Variants in OPCML observed in about 807,000 individuals in gnomAD.
OPCML encodes the protein opioid-binding protein/cell adhesion molecule.
In OPCML, 13 loss-of-function variants were observed where a neutral mutation model predicts 37.8. The observed-to-expected ratio is 0.34, with a 90% CI of 0.22 to 0.55. OPCML has a LOEUF of 0.55. Among genes scored for constraint, OPCML ranks in the 20% least tolerant of loss-of-function variants. The pLI, the probability that OPCML is intolerant of heterozygous loss-of-function variation, is 0.91. For synonymous variants in OPCML, 176 were observed against 168.8 expected, an observed-to-expected ratio of 1.04 and a Z score of -0.33; for missense variants, 341 against 435.6, an observed-to-expected ratio of 0.78 and a Z score of 1.93.
chr11:132,888,753 C>T (rs987212337), intron 2 of OPCML, among the ~76,000 whole-genome samples: 1 of 151,398 alleles, frequency 6.6e-6, no homozygotes, highest in African/African-American at 2.4e-5. Context: ...AAGAATGGGC[C>T]AAGGCAAACA....
intron 3 of OPCML, among the ~76,000 whole-genome samples, chr11:132,646,092 G>A (rs1007972717): frequency 1.3e-5 from 2 of 152,056 alleles, no homozygotes; most frequent in African/African-American, 4.8e-5. Flanking sequence ...GGTGGGAGGG[G>A]GGTGAGGGAT....
intron 3 of OPCML, among the ~76,000 whole-genome samples, chr11:132,540,641 T>C (rs529728766): frequency 6.6e-6 from 1 of 152,298 alleles, no homozygotes; most frequent in Admixed American, 6.5e-5. Flanking sequence ...CTGGGCTCTA[T>C]TTTGATGAGA....
At chr11:133,301,506 T>TA (rs1162722501) in intron 1 of OPCML, 12 of 152,230 alleles carry the variant, frequency 7.9e-5, no homozygotes, top group African/African-American at 2.9e-4. Flanking sequence ...TTCCAGGTTG[T>TA]ATTTTTTTAA....
intron 1 of OPCML, among the ~76,000 whole-genome samples, chr11:133,282,048 T>C (rs2136510852): frequency 6.6e-6 from 1 of 152,164 alleles, no homozygotes; most frequent in South Asian, 2.1e-4. Context: ...AACTAGTAAC[T>C]TATATTTAAA....
At chr11:132,715,914 A>G (rs1944457620) in intron 2 of OPCML, among the ~76,000 whole-genome samples, 1 of 152,228 alleles carries the variant, frequency 6.6e-6, no homozygotes, top group Non-Finnish European at 1.5e-5. Context: ...GATGACCCAC[A>G]GTCGATGCTC....
At chr11:132,755,497 A>G (rs1946007106) in intron 2 of OPCML, among the ~76,000 whole-genome samples, 1 of 152,202 alleles carries the variant, frequency 6.6e-6, no homozygotes, top group African/African-American at 2.4e-5. Flanking sequence ...TGGTTGCTAT[A>G]TTTCTTACAT....
chr11:132,965,808 G>A (rs1403814965), intron 1 of OPCML, among the ~76,000 whole-genome samples: 1 of 152,162 alleles, frequency 6.6e-6, no homozygotes, highest in African/African-American at 2.4e-5. Context: ...TGGGATTACA[G>A]GCATGAGCCA....
intron 1 of OPCML, chr11:133,024,433 C>T: frequency 1.0e-6 from 1 of 984,632 alleles, no homozygotes; most frequent in Non-Finnish European, 1.2e-6. Context: ...GTAGGTCAAG[C>T]ACACACAGGA....
chr11:133,256,794 T>G (rs2136446794), intron 1 of OPCML, among the ~76,000 whole-genome samples: 1 of 152,302 alleles, frequency 6.6e-6, no homozygotes. Flanking sequence ...GTTAAAAGTG[T>G]GCAGTTTGGG....
chr11:133,277,514 A>T (rs1344529047), intron 1 of OPCML, among the ~76,000 whole-genome samples: 1 of 152,132 alleles, frequency 6.6e-6, no homozygotes, highest in East Asian at 1.9e-4. Context: ...GTGCTGCAAC[A>T]CCACTGTTGC....
intron 2 of OPCML, among the ~76,000 whole-genome samples, chr11:132,813,798 C>T (rs1939479721): frequency 6.6e-6 from 1 of 152,090 alleles, no homozygotes; most frequent in Non-Finnish European, 1.5e-5. Flanking sequence ...AGCTGCTTCC[C>T]CCGGTGTATT....
intron 1 of OPCML, among the ~76,000 whole-genome samples, chr11:133,502,715 G>A (rs1246015677): frequency 6.6e-6 from 1 of 152,200 alleles, no homozygotes; most frequent in Non-Finnish European, 1.5e-5. Flanking sequence ...CCACAGTTCT[G>A]GGCCACTTGC....
At chr11:132,749,081 C>T (rs1166762081) in intron 2 of OPCML, among the ~76,000 whole-genome samples, 2 of 152,032 alleles carry the variant, frequency 1.3e-5, no homozygotes, top group African/African-American at 2.4e-5. Context: ...GAGGGTGGAG[C>T]CCTCATGAAT....
chr11:133,025,720 G>A (rs990395606), intron 1 of OPCML, among the ~76,000 whole-genome samples: 9 of 144,198 alleles, frequency 6.2e-5, no homozygotes, highest in Non-Finnish European at 9.0e-5. Flanking sequence ...GGTGCCTGCC[G>A]ATTTGATTTT....
intron 2 of OPCML, among the ~76,000 whole-genome samples, chr11:132,888,411 C>A (rs1024666474): frequency 6.6e-6 from 1 of 152,176 alleles, no homozygotes; most frequent in African/African-American, 2.4e-5. Flanking sequence ...CACAGCCATG[C>A]CTTCAGCATG....
intron 2 of OPCML, among the ~76,000 whole-genome samples, chr11:132,810,461 T>G (rs1939276953): frequency 6.6e-6 from 1 of 152,022 alleles, no homozygotes; most frequent in South Asian, 2.1e-4. Context: ...ATCCCAGCAC[T>G]TTGGGAGGAT....
At chr11:132,883,661 G>A (rs978102860) in intron 2 of OPCML, among the ~76,000 whole-genome samples, 12 of 152,310 alleles carry the variant, frequency 7.9e-5, no homozygotes, top group African/African-American at 2.9e-4. Context: ...GCAGGAAGAT[G>A]AGAGGCGATG....
At chr11:132,892,906 C>T (rs1311211569) in intron 2 of OPCML, among the ~76,000 whole-genome samples, 2 of 152,128 alleles carry the variant, frequency 1.3e-5, no homozygotes. Flanking sequence ...ATTTTGGCAT[C>T]CTTGAAAAGC....
intron 2 of OPCML, among the ~76,000 whole-genome samples, chr11:132,932,147 G>T (rs1238300828): frequency 6.6e-6 from 1 of 152,126 alleles, no homozygotes; most frequent in Non-Finnish European, 1.5e-5. Context: ...TCCAGAAGCT[G>T]GGGGGAGGGA....
Sources: gnomAD v4.1 joint callset for allele counts (sites outside exome capture counted in the v4.1 genomes callset) on GRCh38, gnomAD v4.1.1 for gene constraint, MANE v1.5 for transcripts, NCBI Gene and HGNC (gene_info 2026-07-23, HGNC 2026-07-21) for gene names.